Variants in KLF12 observed in about 807,000 individuals in gnomAD.
KLF12 encodes the protein KLF transcription factor 12.
KLF12 carries 9 observed loss-of-function variants against 37.8 expected under a neutral mutation model. That is an observed-to-expected ratio of 0.24 (90% confidence interval 0.14 to 0.42). KLF12 has a LOEUF of 0.42. KLF12 is among the 10% of genes least tolerant of loss of function. KLF12 has a pLI of 1.00. For synonymous variants in KLF12, 208 were observed against 202.1 expected (o/e 1.03, Z -0.25); for missense variants, 411 against 516.0 (o/e 0.80, Z 1.97).
intron 3 of KLF12, among the ~76,000 whole-genome samples, chr13:73,871,924 A>G (rs1356821052): frequency 2.0e-5 from 3 of 152,230 alleles, no homozygotes; most frequent in African/African-American, 4.8e-5. Context: ...TGCCAAATGA[A>G]TAAGAAAATA....
chr13:73,859,435 C>G (rs527949133), intron 3 of KLF12, among the ~76,000 whole-genome samples: 4 of 152,204 alleles, frequency 2.6e-5, no homozygotes, highest in African/African-American at 4.8e-5. Flanking sequence ...CTGCATCAGC[C>G]CTGGAGAGGA....
chr13:73,980,617 T>G (rs180692045), intron 2 of KLF12, among the ~76,000 whole-genome samples: 1 of 152,326 alleles, frequency 6.6e-6, no homozygotes, highest in African/African-American at 2.4e-5. Context: ...CAATCCTGAA[T>G]ATCTACCCCA....
chr13:74,080,752 GT>G (rs1874834470), intron 1 of KLF12, among the ~76,000 whole-genome samples: 1 of 152,164 alleles, frequency 6.6e-6, no homozygotes, highest in Non-Finnish European at 1.5e-5. Flanking sequence ...ATTTCATTTT[GT>G]GTTTAAGACT....
rs374540572 is a variant in KLF12 at position 74,105,651 on chromosome 13, T to C, written c.-32+28088A>G. Among the ~76,000 whole-genome samples the C allele has an allele frequency of 4.6e-5, 7 of 152,200 alleles. No homozygotes were observed. In the South Asian group the frequency reaches 6.2e-4, roughly 14 times the overall value. ...TGAATTCTTGGATTCACTGAACAAG[T>C]AGGAGAAATGGCATTATTTGGCTTC... On this transcript the variant is annotated intron_variant, in intron 1 of 7. Coordinates refer to ENST00000377669, the MANE Select transcript of KLF12 (RefSeq NM_007249.5).
the KLF12 span, among the ~76,000 whole-genome samples, chr13:74,161,558 C>T: frequency 2.0e-5 from 3 of 152,134 alleles, no homozygotes; most frequent in African/African-American, 7.2e-5. Context: ...TCCCTCAGAA[C>T]CTCCAGAAAG....
intron 3 of KLF12, among the ~76,000 whole-genome samples, chr13:73,905,353 T>G (rs1488323960): frequency 6.7e-6 from 1 of 149,890 alleles, no homozygotes; most frequent in Non-Finnish European, 1.5e-5. Context: ...TTTATGTTCA[T>G]GGGGCTCTGT....
chr13:73,883,014 C>A (rs1887053432), intron 3 of KLF12, among the ~76,000 whole-genome samples: 1 of 152,076 alleles, frequency 6.6e-6, no homozygotes, highest in Non-Finnish European at 1.5e-5. Flanking sequence ...AAATAATCAT[C>A]CCCAAATGCA....
chr13:74,184,740 A>G, the KLF12 span, among the ~76,000 whole-genome samples: 1 of 152,220 alleles, frequency 6.6e-6, no homozygotes, highest in African/African-American at 2.4e-5. Flanking sequence ...TGGAGCTGAG[A>G]CACACAACCC....
chr13:73,728,530 G>A (rs972313789), intron 6 of KLF12, among the ~76,000 whole-genome samples: 6 of 152,190 alleles, frequency 3.9e-5, no homozygotes, highest in Non-Finnish European at 8.8e-5. Context: ...TAGGTGCTCA[G>A]TCTTCTACCA....
At chr13:74,090,837 A>G (rs1002291309) in intron 1 of KLF12, among the ~76,000 whole-genome samples, 2 of 151,996 alleles carry the variant, frequency 1.3e-5, no homozygotes, top group Admixed American at 1.3e-4. Flanking sequence ...CAAAACTTTC[A>G]ATTTTGATAT....
chr13:73,727,753 A>C (rs1876768514), intron 6 of KLF12, among the ~76,000 whole-genome samples: 2 of 150,898 alleles, frequency 1.3e-5, no homozygotes, highest in East Asian at 3.9e-4. Context: ...GCTGCAGTGC[A>C]GTGGCGTGAT....
intron 7 of KLF12, among the ~76,000 whole-genome samples, chr13:73,711,352 G>A (rs761391836): frequency 6.6e-6 from 1 of 152,162 alleles, no homozygotes; most frequent in South Asian, 2.1e-4. Flanking sequence ...TGTCATGTAG[G>A]ACTTTCTGAG....
At chr13:74,026,015 A>AC (rs953608205) in intron 1 of KLF12, among the ~76,000 whole-genome samples, 29 of 152,346 alleles carry the variant, frequency 1.9e-4, no homozygotes, top group African/African-American at 5.8e-4. Context: ...ACCCTAACTC[A>AC]CAAACTTGAC....
intron 3 of KLF12, among the ~76,000 whole-genome samples, chr13:73,874,483 T>C (rs1376518503): frequency 2.0e-5 from 3 of 152,202 alleles, no homozygotes; most frequent in African/African-American, 7.2e-5. Flanking sequence ...CTTTTTACAA[T>C]AAGTTCAGTC....
intron 3 of KLF12, among the ~76,000 whole-genome samples, chr13:73,938,979 CA>C (rs1400585421): frequency 2.6e-5 from 4 of 152,200 alleles, no homozygotes; most frequent in Admixed American, 2.6e-4. Flanking sequence ...GTCTTCCACT[CA>C]ATTACTGACT....
chr13:74,044,657 C>A (rs1014891846), intron 1 of KLF12, among the ~76,000 whole-genome samples: 2 of 151,890 alleles, frequency 1.3e-5, no homozygotes, highest in African/African-American at 4.8e-5. Flanking sequence ...CCATCCTGAC[C>A]AACATGGTGA....
At chr13:73,780,768 G>A (rs1194782595) in intron 5 of KLF12, among the ~76,000 whole-genome samples, 1 of 152,196 alleles carries the variant, frequency 6.6e-6, no homozygotes, top group Non-Finnish European at 1.5e-5. Flanking sequence ...AGCCAGAATG[G>A]CTTCTTATGG....
chr13:73,954,124 A>G lies in KLF12; in HGVS notation c.34-10054T>C, dbSNP rs866484402. On this transcript the variant is annotated intron_variant, in intron 2 of 7. Coordinates refer to ENST00000377669, the MANE Select transcript of KLF12 (RefSeq NM_007249.5). ...CTCCGGAGCAGCTGGGACTACAGGCACCCGCCACCACGCCTGGCTAATTTT... is the reference window on the plus strand; with the variant it reads ...CTCCGGAGCAGCTGGGACTACAGGCGCCCGCCACCACGCCTGGCTAATTTT... 1.4e-3 allele frequency among the ~76,000 whole-genome samples: 214 copies of G among 150,914 alleles called. No individual in the cohort carries two copies. In the Middle Eastern group the frequency reaches 0.017, roughly 12 times the overall value.
chr13:74,164,140 C>T, the KLF12 span, among the ~76,000 whole-genome samples: 1 of 152,018 alleles, frequency 6.6e-6, no homozygotes, highest in Non-Finnish European at 1.5e-5. Flanking sequence ...TTTGAAAGAA[C>T]TGTATTCTAG....
Sources: allele counts gnomAD v4.1 joint callset (sites outside exome capture counted in the v4.1 genomes callset), GRCh38; gene constraint gnomAD v4.1.1; transcripts MANE v1.5; gene names NCBI Gene and HGNC (gene_info 2026-07-23, HGNC 2026-07-21).